KRTAP8-1: variants seen among roughly 807,000 people sequenced by gnomAD.
The protein encoded by KRTAP8-1 is keratin associated protein 8-1.
Under a neutral mutation model 5.5 loss-of-function variants are expected in KRTAP8-1, and 4 were observed. The observed-to-expected ratio is 0.73, with a 90% CI of 0.36 to 1.67. The LOEUF is 1.67. Ranked by LOEUF, KRTAP8-1 falls within the 40% of genes most tolerant of loss-of-function variation. The pLI, the probability that KRTAP8-1 is intolerant of heterozygous loss-of-function variation, is 0.05. For missense variants in KRTAP8-1, 79 were observed against 80.3 expected, an observed-to-expected ratio of 0.98 and a Z score of 0.06; for synonymous variants, 35 against 34.6, an observed-to-expected ratio of 1.01 and a Z score of -0.04.
chr21:30,813,114 G>C lies in KRTAP8-1; in HGVS notation c.107C>G (p.Ser36Cys). 6.2e-7 allele frequency: 1 copy of C among 1,613,948 alleles called. No homozygotes were observed. The highest frequency in any genetic ancestry group is 8.5e-7 in the Non-Finnish European group (1 of 1,179,796). Residue 36 changes from serine (S) to cysteine (C), a missense_variant, in exon 1 of 1, where the codon TCT becomes TGT. Ser to Cys is a moderately radical substitution (Grantham distance 112). Transcript: ENST00000329621. ...ATAGCCGAAGCCATAGCCCACTGGA[G>C]AGTAGGTGCTGCCATAGCCACAGCC... is the stretch of plus-strand genomic sequence containing the variant. ...SVGCGYGSTYSPVGYGFGYGY... is the reference protein window; with the variant it reads ...SVGCGYGSTYCPVGYGFGYGY...
rs1984880663 is a variant in KRTAP8-1 at position 30,812,893 on chromosome 21, G to C, written c.*136C>G. ...TTTTCATTTTCCTCCCCTGGGACTC[G>C]AGGTAAGTTGGAAAGCAGTGTCTCT... On this transcript the variant is annotated 3_prime_UTR_variant, in exon 1 of 1. Coordinates refer to ENST00000329621, the MANE Select transcript of KRTAP8-1 (RefSeq NM_175857.4). The C allele has an allele frequency of 8.1e-6, 6 of 742,174 alleles. No individual in the cohort carries two copies. Among genetic ancestry groups the C allele is most frequent in the African/African-American group, 1.8e-5 (1 of 55,710 alleles). 46.0% of individuals were successfully genotyped at this position (742,174 alleles called of 1,614,324 possible).
Position 30,812,795 on chromosome 21 carries a change from A to T in KRTAP8-1, c.*234T>A. The T allele has an allele frequency of 2.3e-6, 1 of 433,276 alleles. No individual in the cohort carries two copies. The highest frequency in any genetic ancestry group is 4.1e-6 in the Non-Finnish European group (1 of 241,756). The allele number at this position is 433,276 out of a possible 1,614,324, so 26.8% of individuals were successfully genotyped here. A position where few individuals can be genotyped will look rare whatever the true frequency, so the allele number is the denominator to read the frequency against. On this transcript the variant is annotated 3_prime_UTR_variant, in exon 1 of 1. Coordinates refer to ENST00000329621, the MANE Select transcript of KRTAP8-1 (RefSeq NM_175857.4). ...GAAAATTCAAAAGTAGCTCATGACAAGTGGGAGGTCAAATTTCCGAAAATG... is the reference window on the plus strand; with the variant it reads ...GAAAATTCAAAAGTAGCTCATGACATGTGGGAGGTCAAATTTCCGAAAATG...
In KRTAP8-1 at chr21:30,813,015, G is replaced by C. The variant is rs1984883948; in HGVS notation, c.*14C>G. ...AAGGGAGAGAAGATGCTACACCTCG[G>C]GGATTTCAGCCAATCAGTAGAGAGC... is the stretch of plus-strand genomic sequence containing the variant. On this transcript the variant is annotated 3_prime_UTR_variant, in exon 1 of 1. Transcript: ENST00000329621. 1.9e-6 allele frequency: 3 copies of C among 1,611,042 alleles called. No individual in the cohort carries two copies. The highest frequency in any genetic ancestry group is 1.7e-6 in the Non-Finnish European group (2 of 1,178,240).
Position 30,813,065 on chromosome 21 carries a change from G to T in KRTAP8-1, c.156C>A (p.Phe52Leu), listed in dbSNP as rs201803377. ...FGYGYNGCGA[F>L]GYRRYSPFAL... ...CAAATGGCGAGTATCTCCTGTAGCC[G>T]AAAGCCCCACAGCCGTTGTAGCCAT... Residue 52 changes from phenylalanine (F) to leucine (L), a missense_variant, in exon 1 of 1, where the codon TTC becomes TTA. Physicochemically the swap from Phe to Leu is conservative, Grantham distance 22. Coordinates refer to ENST00000329621, the MANE Select transcript of KRTAP8-1 (RefSeq NM_175857.4). 6.2e-7 allele frequency: 1 copy of T among 1,614,060 alleles called. No individual in the cohort carries two copies. Among genetic ancestry groups the T allele is most frequent in the Admixed American group, 1.7e-5 (1 of 60,010 alleles).
Position 30,812,996 on chromosome 21 carries a change from G to A in KRTAP8-1, c.*33C>T, listed in dbSNP as rs1984883234. 3.1e-6 allele frequency: 5 copies of A among 1,599,610 alleles called. No individual in the cohort carries two copies. The South Asian group carries it at 4.5e-5, about 14-fold the overall frequency. ...GATGTGGGGCTCAGCCTTCAAGGGA[G>A]AGAAGATGCTACACCTCGGGGATTT... On this transcript the variant is annotated 3_prime_UTR_variant, in exon 1 of 1. Transcript: ENST00000329621.
Sources: gnomAD v4.1 joint callset for allele counts on GRCh38, gnomAD v4.1.1 for gene constraint, MANE v1.5 for transcripts, NCBI Gene and HGNC (gene_info 2026-07-23, HGNC 2026-07-21) for gene names.